Variants in GAS2 observed in about 807,000 individuals in gnomAD.
GAS2 encodes growth arrest-specific protein 2.
GAS2 carries 20 observed loss-of-function variants against 37.5 expected under a neutral mutation model. The ratio of observed to expected loss-of-function variants is 0.53; its 90% CI spans 0.37 to 0.77. The LOEUF is 0.77. GAS2 is among the 30% of genes least tolerant of loss of function. GAS2 has a pLI of 0.00. For missense variants in GAS2, 336 were observed against 373.4 expected, an observed-to-expected ratio of 0.90 and a Z score of 0.82; for synonymous variants, 144 against 132.2, an observed-to-expected ratio of 1.09 and a Z score of -0.61.
intron 2 of GAS2, among the ~76,000 whole-genome samples, chr11:22,683,805 A>G (rs1849814159): frequency 6.6e-6 from 1 of 152,188 alleles, no homozygotes; most frequent in Admixed American, 6.5e-5. Context: ...TAGTATGTGA[A>G]TAACATTATG....
At chr11:22,806,808 G>A (rs1001614492) in intron 7 of GAS2, among the ~76,000 whole-genome samples, 1 of 152,166 alleles carries the variant, frequency 6.6e-6, no homozygotes, top group Non-Finnish European at 1.5e-5. Context: ...ATGGAGAGAG[G>A]TTGTAAGGTT....
chr11:22,770,012 C>G (rs988729979), intron 7 of GAS2, among the ~76,000 whole-genome samples: 10 of 152,102 alleles, frequency 6.6e-5, no homozygotes, highest in African/African-American at 1.9e-4. Flanking sequence ...ATGGATGAAA[C>G]TGGAAGCCAT....
intron 7 of GAS2, among the ~76,000 whole-genome samples, chr11:22,757,313 A>C (rs1854100304): frequency 6.6e-6 from 1 of 152,128 alleles, no homozygotes; most frequent in Non-Finnish European, 1.5e-5. Flanking sequence ...CTTACTATAT[A>C]AGGCAGGTTT....
intron 3 of GAS2, among the ~76,000 whole-genome samples, chr11:22,707,841 T>C (rs930288180): frequency 6.6e-6 from 1 of 152,174 alleles, no homozygotes; most frequent in South Asian, 2.1e-4. Flanking sequence ...TTGAACTTTG[T>C]TTTGTAAACA....
intron 1 of GAS2, 180 bp from the exon 2 acceptor site, chr11:22,674,670 T>G (rs1125485): frequency 0.67 from 249,843 of 375,386 alleles, 85,095 homozygotes; most frequent in East Asian, 0.83. Context: ...CTACTAAGTG[T>G]TTGGCCAAAA....
In GAS2 at chr11:22,726,363, A is replaced by G. The variant is rs1319635992; in HGVS notation, c.339A>G (p.Thr113=). 1 of 1,612,870 alleles carries G rather than the reference A, an allele frequency of 6.2e-7. No individual in the cohort carries two copies. Among genetic ancestry groups the G allele is most frequent in the African/African-American group, 1.3e-5 (1 of 74,814 alleles). ...GCTCCTTTTTTGCCAGAGACAATAC[A>G]GCAAATTTCTTATCCTGGTGCCGAG... is the stretch of plus-strand genomic sequence containing the variant. ...PSGSFFARDN[T]ANFLSWCRDL... Residue 113 remains threonine, a synonymous_variant, in exon 4 of 8, where the codon ACA becomes ACG. Transcript: ENST00000454584.
chr11:22,738,104 C>G (rs1329157861), intron 5 of GAS2, among the ~76,000 whole-genome samples: 4 of 152,130 alleles, frequency 2.6e-5, no homozygotes, highest in Admixed American at 2.6e-4. Flanking sequence ...TTCCCATATT[C>G]TATCTTCCTC....
intron 5 of GAS2, among the ~76,000 whole-genome samples, chr11:22,742,072 A>G (rs1853117110): frequency 6.6e-6 from 1 of 151,960 alleles, no homozygotes; most frequent in Admixed American, 6.6e-5. Flanking sequence ...CATTCCTAAA[A>G]CCTCATCATA....
intron 3 of GAS2, among the ~76,000 whole-genome samples, chr11:22,724,367 T>A (rs770958282): frequency 1.6e-4 from 25 of 152,018 alleles, no homozygotes; most frequent in Non-Finnish European, 3.2e-4. Context: ...GTATTTTTGT[T>A]TTTTGCTATT....
Position 22,789,423 on chromosome 11 carries a change from G to GATATATATAAATATATATAT in GAS2, c.724-22374_724-22373insTATATATAAATATATATATA, listed in dbSNP as rs1491294585. 1.1e-3 allele frequency among the ~76,000 whole-genome samples: 81 copies of GATATATATAAATATATATAT among 71,156 alleles called. 3 individuals are homozygous for GATATATATAAATATATATAT. The highest frequency in any genetic ancestry group is 4.5e-3 in the African/African-American group (78 of 17,320). The allele number at this position is 71,156 out of a possible 152,430, so 46.7% of individuals were successfully genotyped here. On this transcript the variant is annotated intron_variant, in intron 7 of 7. Transcript: ENST00000454584. ...GTGTGTATGTGTGTGTATCTCATAT[G>GATATATATAAATATATATAT]AGATATATATATATATATATATATA...
At chr11:22,762,294 G>A (rs887485310) in intron 7 of GAS2, among the ~76,000 whole-genome samples, 2 of 152,162 alleles carry the variant, frequency 1.3e-5, no homozygotes, top group South Asian at 2.1e-4. Flanking sequence ...AATAAGGATC[G>A]TTTGTTCCAG....
intron 7 of GAS2, among the ~76,000 whole-genome samples, chr11:22,794,275 T>A (rs772284509): frequency 6.6e-6 from 1 of 152,114 alleles, no homozygotes; most frequent in East Asian, 1.9e-4. Flanking sequence ...GTAAGACTTA[T>A]GCCCTCAAAA....
chr11:22,805,799 G>T (rs896245212), intron 7 of GAS2, among the ~76,000 whole-genome samples: 1 of 152,150 alleles, frequency 6.6e-6, no homozygotes, highest in Non-Finnish European at 1.5e-5. Flanking sequence ...TTGATGAAAT[G>T]CTAAACAAGG....
intron 5 of GAS2, among the ~76,000 whole-genome samples, chr11:22,745,893 G>A (rs1434471394): frequency 1.3e-5 from 2 of 152,070 alleles, no homozygotes. Flanking sequence ...AATGAAGCCA[G>A]GCACAATGGC....
At chr11:22,741,177 C>T (rs7946998) in intron 5 of GAS2, among the ~76,000 whole-genome samples, 2,097 of 152,198 alleles carry the variant, frequency 0.014, 57 homozygotes, top group African/African-American at 0.048. Context: ...AATGAGACCA[C>T]TTATTTTTGT....
chr11:22,796,183 T>A (rs1290500217), intron 7 of GAS2, among the ~76,000 whole-genome samples: 2 of 152,110 alleles, frequency 1.3e-5, no homozygotes, highest in African/African-American at 4.8e-5. Flanking sequence ...AAATCTGGGG[T>A]GGGGACATAG....
At chr11:22,679,386 C>G (rs1393114117) in intron 2 of GAS2, among the ~76,000 whole-genome samples, 2 of 151,996 alleles carry the variant, frequency 1.3e-5, no homozygotes, top group African/African-American at 4.8e-5. Flanking sequence ...TGTTATTTAA[C>G]TATGCCCTTA....
At chr11:22,646,493 C>T (rs11026712) in intron 1 of GAS2, among the ~76,000 whole-genome samples, 43,278 of 152,102 alleles carry the variant, frequency 0.28, 8,930 homozygotes, top group African/African-American at 0.58. Context: ...TATGTGTTTT[C>T]GAATTTTGTA....
intron 1 of GAS2, among the ~76,000 whole-genome samples, chr11:22,637,905 T>C (rs566387877): frequency 3.0e-4 from 45 of 151,448 alleles, no homozygotes; most frequent in Middle Eastern, 6.8e-3. Context: ...AAAAATTGGA[T>C]TAAGACAGAC....
Sources: gnomAD v4.1 joint callset for allele counts (sites outside exome capture counted in the v4.1 genomes callset) on GRCh38, gnomAD v4.1.1 for gene constraint, MANE v1.5 for transcripts, NCBI Gene and HGNC (gene_info 2026-07-23, HGNC 2026-07-21) for gene names.